The following ASXL2 variants were observed in gnomAD, a reference collection of about 807,000 sequenced individuals.
The protein encoded by ASXL2 is putative Polycomb group protein ASXL2.
In ASXL2, 23 loss-of-function variants were observed where a neutral mutation model predicts 122.0. That is an observed-to-expected ratio of 0.19 (90% CI 0.14 to 0.27). ASXL2 has a LOEUF of 0.27. Ranked by LOEUF, ASXL2 falls within the 10% of genes least tolerant of loss-of-function variation. ASXL2 has a pLI of 1.00. For synonymous variants in ASXL2, 650 were observed against 637.0 expected, an observed-to-expected ratio of 1.02 and a Z score of -0.31; for missense variants, 1,518 against 1,713.8, an observed-to-expected ratio of 0.89 and a Z score of 2.02.
chr2:25,826,157 T>C (rs1335210393), intron 3 of ASXL2, among the ~76,000 whole-genome samples: 1 of 152,196 alleles, frequency 6.6e-6, no homozygotes, highest in Non-Finnish European at 1.5e-5. Flanking sequence ...TGGAAATCAG[T>C]AGTATAATGC....
In ASXL2 at chr2:25,744,780, T is replaced by C. The variant is rs916879049; in HGVS notation, c.1861-304A>G. Among the ~76,000 whole-genome samples the C allele has an allele frequency of 3.9e-5, 6 of 152,206 alleles. No homozygotes were observed. Among genetic ancestry groups the C allele is most frequent in the African/African-American group, 1.2e-4 (5 of 41,446 alleles). ...CCACTATTACAAGTGCTTATTATGA[T>C]ACAAAGTTTTCTATGGTATTTGCAT... On this transcript the variant is annotated intron_variant, in intron 12 of 12. Coordinates refer to ENST00000435504, the MANE Select transcript of ASXL2 (RefSeq NM_018263.6). This position sits in a 1 kb window ranked among gnomAD's most constrained non-coding sequence, Gnocchi z 4.7.
rs1377559209 is a variant in ASXL2, at chr2:25,740,048, T to C, written c.*1981A>G. 6 of 226,174 alleles carry C rather than the reference T, an allele frequency of 2.7e-5. No homozygotes were observed. Among genetic ancestry groups the C allele is most frequent in the Admixed American group, 5.7e-5 (1 of 17,564 alleles). 14.0% of individuals were successfully genotyped at this position (226,174 alleles called of 1,614,324 possible). The stretch of plus-strand genomic sequence containing the variant: ...GTTCTTGGCTTGAAAATATACTCCT[T>C]ATCCCCAATCCTTGCAGCCTTCTTA... On this transcript the variant is annotated 3_prime_UTR_variant, in exon 13 of 13. Transcript: ENST00000435504.
At position 25,733,755 on chromosome 2, in the gene ASXL2, G is replaced by A. The variant is rs2087682403; in HGVS notation, c.*8274C>T. 1 of 152,190 alleles carries A rather than the reference G, an allele frequency of 6.6e-6. No homozygotes were observed. The highest frequency in any genetic ancestry group is 1.5e-5 in the Non-Finnish European group (1 of 68,026). 9.4% of individuals were successfully genotyped at this position (152,190 alleles called of 1,614,324 possible). A position where few individuals can be genotyped will look rare whatever the true frequency, so the allele number is the denominator to read the frequency against. ...TGGAAAAGAAAAGGCATAGTCGCTA[G>A]GGTAAAACTGTATGCCTTTATTCAA... On this transcript the variant is annotated 3_prime_UTR_variant, in exon 13 of 13. Coordinates refer to ENST00000435504, the MANE Select transcript of ASXL2 (RefSeq NM_018263.6).
chr2:25,845,595 T>A (rs1163166166), intron 1 of ASXL2, 32 bp from the exon 2 acceptor site: 1 of 968,184 alleles, frequency 1.0e-6, no homozygotes, highest in Non-Finnish European at 1.4e-6. Context: ...ATAAATTATT[T>A]CTTATTTCAA....
intron 5 of ASXL2, among the ~76,000 whole-genome samples, chr2:25,776,431 A>G (rs1414166105): frequency 6.6e-6 from 1 of 152,150 alleles, no homozygotes; most frequent in Non-Finnish European, 1.5e-5. Flanking sequence ...GATTGTTTCT[A>G]CTTTCTGGCT....
At chr2:25,807,986 T>TAC (rs147273836) in intron 3 of ASXL2, among the ~76,000 whole-genome samples, 7,842 of 131,742 alleles carry the variant, frequency 0.06, 419 homozygotes, top group African/African-American at 0.15. Context: ...AATCAGCTTT[T>TAC]ACACACACAC....
rs2087858445 is a variant in ASXL2 at position 25,742,924 on chromosome 2, A to C, written c.3413T>G (p.Phe1138Cys). The C allele has an allele frequency of 1.2e-6, 2 of 1,613,814 alleles. No homozygotes were observed. The highest frequency in any genetic ancestry group is 1.7e-6 in the Non-Finnish European group (2 of 1,179,886). ...ISTYGRGSES[F>C]RRTHSVNPED... is the part of the protein sequence containing the mutation. ...AGGGTTTACAGAATGGGTCCTCCTA[A>C]AGCTCTCTGAGCCCCGGCCGTAGGT... Residue 1138 changes from phenylalanine (F) to cysteine (C), a missense_variant, in exon 13 of 13, where the codon TTT becomes TGT. Physicochemically the swap from Phe to Cys is radical, Grantham distance 205. Transcript: ENST00000435504.
rs760992401 is a variant in ASXL2, at chr2:25,750,151, G to C, written c.1405C>G (p.Leu469Val). The part of the protein sequence containing the change: ...TSSEPLLSSA[L>V]NTHELSSILP... Reference sequence around the variant, plus strand: ...ATGCTGCTAAGCTCATGTGTATTGAGAGCTGAGGAAAGCAGGGGCTCTGAA... The same window carrying C: ...ATGCTGCTAAGCTCATGTGTATTGACAGCTGAGGAAAGCAGGGGCTCTGAA... The change falls in exon 12 of 13, where the codon CTC becomes GTC. Residue 469 changes from leucine to valine, a missense_variant. Around this residue, in one of 8 missense-constraint regions of ASXL2, gnomAD observed 292 missense variants for 293.5 expected, o/e 1.00. Coordinates refer to ENST00000435504, the MANE Select transcript of ASXL2 (RefSeq NM_018263.6). The C allele has an allele frequency of 1.2e-6, 2 of 1,613,992 alleles. No individual in the cohort carries two copies. The highest frequency in any genetic ancestry group is 1.3e-5 in the African/African-American group (1 of 75,042).
chr2:25,753,159 G>A (rs1401419078), intron 11 of ASXL2, among the ~76,000 whole-genome samples: 4 of 150,642 alleles, frequency 2.7e-5, no homozygotes, highest in Non-Finnish European at 4.4e-5. Flanking sequence ...AAGTAGAGAC[G>A]GGGTTTCACC....
At chr2:25,788,167 T>C (rs1360280702) in intron 5 of ASXL2, among the ~76,000 whole-genome samples, 1 of 152,036 alleles carries the variant, frequency 6.6e-6, no homozygotes, top group African/African-American at 2.4e-5. Flanking sequence ...CCCTACGGGG[T>C]GAAAGGAATA....
intron 1 of ASXL2, among the ~76,000 whole-genome samples, chr2:25,861,696 G>A (rs1159631126): frequency 1.3e-5 from 2 of 152,210 alleles, no homozygotes; most frequent in African/African-American, 4.8e-5. Flanking sequence ...GGCAGCAACA[G>A]CAAAACCAAG....
intron 1 of ASXL2, among the ~76,000 whole-genome samples, chr2:25,847,182 T>C (rs1181482448): frequency 2.0e-5 from 3 of 152,238 alleles, no homozygotes; most frequent in Non-Finnish European, 4.4e-5. Flanking sequence ...TAGCATGCTG[T>C]GTCCAGTGTT....
intron 8 of ASXL2, 135 bp downstream of exon 8, chr2:25,767,448 A>G (rs1276686873): frequency 2.2e-6 from 2 of 919,976 alleles, no homozygotes; most frequent in Non-Finnish European, 3.2e-6. Flanking sequence ...TAGCAACAAA[A>G]AAAACTTATG....
intron 1 of ASXL2, among the ~76,000 whole-genome samples, chr2:25,855,744 G>A (rs1329806541): frequency 6.6e-6 from 1 of 150,998 alleles, no homozygotes; most frequent in Non-Finnish European, 1.5e-5. Context: ...AAGAGGCTGA[G>A]TGGACTGCTT....
chr2:25,799,025 G>A (rs984551334), intron 5 of ASXL2, among the ~76,000 whole-genome samples: 1 of 152,140 alleles, frequency 6.6e-6, no homozygotes, highest in African/African-American at 2.4e-5. Flanking sequence ...GTGGCTAGTG[G>A]GGAAGGCTGT....
chr2:25,779,368 G>A (rs1272174426), intron 5 of ASXL2, among the ~76,000 whole-genome samples: 1 of 152,002 alleles, frequency 6.6e-6, no homozygotes, highest in Non-Finnish European at 1.5e-5. Context: ...AAAGTGCTGG[G>A]ATTACAGACA....
rs1479209923 is a variant in ASXL2, at chr2:25,736,650, A to G, written c.*5379T>C. ...TCTTTTAAAAAGCCAATGTAAAGAA[A>G]AAAAAAAAAAGCCAATGTATCCTTA... On this transcript the variant is annotated 3_prime_UTR_variant, in exon 13 of 13. Coordinates refer to ENST00000435504, the MANE Select transcript of ASXL2 (RefSeq NM_018263.6). 3 of 152,010 alleles carry G rather than the reference A, an allele frequency of 2.0e-5. No individual in the cohort carries two copies. Among genetic ancestry groups the G allele is most frequent in the East Asian group, 1.9e-4 (1 of 5,200 alleles). 9.4% of individuals were successfully genotyped at this position (152,010 alleles called of 1,614,324 possible).
intron 10 of ASXL2, among the ~76,000 whole-genome samples, chr2:25,754,427 TC>T (rs2088098263): frequency 6.6e-6 from 1 of 152,076 alleles, no homozygotes; most frequent in Non-Finnish European, 1.5e-5. Flanking sequence ...GTTTAAGACC[TC>T]CTGGGGGTGA....
rs927981704 is a variant in ASXL2 at position 25,750,016 on chromosome 2, T to A, written c.1540A>T (p.Lys514Ter). 6.2e-7 allele frequency: 1 copy of A among 1,613,902 alleles called. No homozygotes were observed. The highest frequency in any genetic ancestry group is 8.5e-7 in the Non-Finnish European group (1 of 1,179,904). The change falls in exon 12 of 13, where the codon AAA becomes TAA. Residue 514 changes from lysine to a stop codon, truncating the protein, a stop_gained. Coordinates refer to ENST00000435504, the MANE Select transcript of ASXL2 (RefSeq NM_018263.6). LOFTEE classifies it high-confidence loss of function. ...NHLTTASNYN[K>*]SESQESLVTS... ...ACTAAAGATTCTTGGCTTTCACTTT[T>A]GTTATAATTAGAAGCTGTGGTGAGA...
Sources: gnomAD v4.1 joint callset for allele counts (sites outside exome capture counted in the v4.1 genomes callset) on GRCh38, gnomAD v4.1.1 for gene constraint, gnomAD v4.1.1 regional missense constraint, Gnocchi (gnomAD v3.1) non-coding constraint, MANE v1.5 for transcripts, NCBI Gene and HGNC (gene_info 2026-07-23, HGNC 2026-07-21) for gene names.